The following PAXBP1 variants were observed in gnomAD, a reference collection of about 807,000 sequenced individuals.
PAXBP1 encodes the protein PAX3- and PAX7-binding protein 1.
In PAXBP1, 44 loss-of-function variants were observed where a neutral mutation model predicts 119.9. That is an observed-to-expected ratio of 0.37 (90% CI 0.29 to 0.47). The LOEUF is 0.47. Among genes scored for constraint, PAXBP1 ranks in the 20% least tolerant of loss-of-function variants. The pLI, the probability that PAXBP1 is intolerant of heterozygous loss-of-function variation, is 0.99. For missense variants in PAXBP1, 898 were observed against 1,134.1 expected (o/e 0.79, Z 2.99); for synonymous variants, 393 against 406.6 (o/e 0.97, Z 0.40).
At chr21:32,763,224 T>C (rs916012128) in intron 3 of PAXBP1, among the ~76,000 whole-genome samples, 1 of 152,154 alleles carries the variant, frequency 6.6e-6, no homozygotes, top group African/African-American at 2.4e-5. Flanking sequence ...AATTAATGCC[T>C]CCCTACTTGC....
chr21:32,759,673 T>A, intron 6 of PAXBP1, 104 bp downstream of exon 6: 1 of 954,048 alleles, frequency 1.0e-6, no homozygotes, highest in Non-Finnish European at 1.6e-6. Context: ...GCTGGGCCAG[T>A]GAATCTTCTT....
chr21:32,753,723 T>C (rs2043999467), intron 8 of PAXBP1, among the ~76,000 whole-genome samples: 1 of 152,262 alleles, frequency 6.6e-6, no homozygotes, highest in Non-Finnish European at 1.5e-5. Flanking sequence ...TAGGACTGTA[T>C]TTTTCACTTT....
intron 13 of PAXBP1, among the ~76,000 whole-genome samples, chr21:32,744,288 A>AG (rs1410386335): frequency 6.7e-6 from 1 of 149,020 alleles, no homozygotes; most frequent in Non-Finnish European, 1.5e-5. Flanking sequence ...AAAAAAAAAA[A>AG]GGAGGGGGGC....
At chr21:32,758,644 TAAAAAA>T (rs138934420) in intron 7 of PAXBP1, among the ~76,000 whole-genome samples, 3 of 104,104 alleles carry the variant, frequency 2.9e-5, no homozygotes, top group Non-Finnish European at 3.9e-5. Flanking sequence ...TCATCCAGGG[TAAAAAA>T]AAAAAAAAAA....
intron 11 of PAXBP1, among the ~76,000 whole-genome samples, chr21:32,747,912 G>A (rs1309725106): frequency 6.6e-6 from 1 of 150,862 alleles, no homozygotes; most frequent in South Asian, 2.1e-4. Flanking sequence ...AGCCCCCGAA[G>A]TAGCTAGGAA....
chr21:32,738,769 TCTCAAGCTACCCAAG>T (rs545119765), intron 15 of PAXBP1, among the ~76,000 whole-genome samples: 81 of 152,228 alleles, frequency 5.3e-4, no homozygotes, highest in African/African-American at 1.9e-3. Context: ...CACTTATGCA[TCTCAAGCTACCCAAG>T]CTCAATCAAT....
intron 7 of PAXBP1, among the ~76,000 whole-genome samples, chr21:32,757,646 A>G (rs887436303): frequency 1.3e-5 from 2 of 152,220 alleles, no homozygotes; most frequent in Non-Finnish European, 2.9e-5. Context: ...TTGTGTTTGC[A>G]ATTATGAATG....
intron 15 of PAXBP1, chr21:32,742,680 A>G (rs2043805033): frequency 1.0e-5 from 2 of 200,140 alleles, no homozygotes; most frequent in South Asian, 1.7e-4. Context: ...TCAGAAGAGT[A>G]TCTGCTACAG....
chr21:32,742,068 G>GA lies in PAXBP1; in HGVS notation c.2334+1179dup, dbSNP rs1227787107. ...CTTCTCTTCATAGGACATAGACTGG[G>GA]AGGTGGCCAGGGGCTTGTGGTGACC... On this transcript the variant is annotated intron_variant, in intron 15 of 17. Coordinates refer to ENST00000331923, the MANE Select transcript of PAXBP1 (RefSeq NM_016631.4). Among the ~76,000 whole-genome samples, 8 of 152,272 alleles carry GA rather than the reference G, an allele frequency of 5.3e-5. No individual in the cohort carries two copies. The East Asian group carries it at 1.5e-3, about 29-fold the overall frequency.
chr21:32,741,357 T>A, intron 15 of PAXBP1: 1 of 489,048 alleles, frequency 2.0e-6, no homozygotes, highest in Non-Finnish European at 3.7e-6. Flanking sequence ...AGAAAAGGCA[T>A]ATAAATTTAT....
chr21:32,734,958 C>T lies in PAXBP1; in HGVS notation c.2746G>A (p.Gly916Arg). 6.2e-7 allele frequency: 1 copy of T among 1,612,396 alleles called. No individual in the cohort carries two copies. The highest frequency in any genetic ancestry group is 1.1e-5 in the South Asian group (1 of 91,026). ...TTTTCAGTCTCATAGATCTATTTTC[C>T]TTCGATCAAAGACTTAAATTCTTTC... is the stretch of plus-strand genomic sequence containing the variant. The part of the protein sequence containing the change: ...NVKEFKSLIE[G>R]K Residue 916 changes from glycine to arginine, a missense_variant, in exon 18 of 18, where the codon GGA becomes AGA. By Grantham distance (125) the Gly-to-Arg change is moderately radical. Coordinates refer to ENST00000331923, the MANE Select transcript of PAXBP1 (RefSeq NM_016631.4).
Position 32,759,937 on chromosome 21 carries a change from T to C in PAXBP1, c.1033A>G (p.Met345Val). 2 of 1,614,172 alleles carry C rather than the reference T, an allele frequency of 1.2e-6. No homozygotes were observed. The highest frequency in any genetic ancestry group is 1.7e-6 in the Non-Finnish European group (2 of 1,179,972). The part of the protein sequence containing the change: ...NMYYQNTYQT[M>V]PYGSSYGIPY... The stretch of plus-strand genomic sequence containing the variant: ...ATGCCATAGGATGAGCCGTAAGGCA[T>C]TGTCTGGTAAGTGTTCTGGTAGTAC... The change falls in exon 6 of 18, where the codon ATG becomes GTG. Residue 345 changes from methionine to valine, a missense_variant. Coordinates refer to ENST00000331923, the MANE Select transcript of PAXBP1 (RefSeq NM_016631.4).
rs549339725 is a variant in PAXBP1, at chr21:32,737,458, A to G, written c.2482-50T>C. On this transcript the variant is annotated intron_variant, in intron 16 of 17. Coordinates refer to ENST00000331923, the MANE Select transcript of PAXBP1 (RefSeq NM_016631.4). ...AAAATAGTTAAGACAGAATAAATTA[A>G]AGTATTAAAAGCAAAGTCTAGTTAA... 8.7e-5 allele frequency: 130 copies of G among 1,492,380 alleles called. No homozygotes were observed. In the South Asian group the frequency reaches 1.5e-3, roughly 17 times the overall value. The allele number at this position is 1,492,380 out of a possible 1,614,324, so 92.4% of individuals were successfully genotyped here.
chr21:32,748,327 A>C (rs2043906132), intron 11 of PAXBP1, among the ~76,000 whole-genome samples, 172 bp downstream of exon 11: 1 of 152,248 alleles, frequency 6.6e-6, no homozygotes, highest in Admixed American at 6.5e-5. Context: ...GGAAGACATG[A>C]AACTTAAAAG....
At chr21:32,753,473 G>A (rs536956901) in intron 8 of PAXBP1, among the ~76,000 whole-genome samples, 2 of 150,704 alleles carry the variant, frequency 1.3e-5, no homozygotes, top group African/African-American at 4.9e-5. Flanking sequence ...ATCACTGCAT[G>A]TATAGGTTTT....
Position 32,738,174 on chromosome 21 carries a change from T to A in PAXBP1, c.2480A>T (p.Asn827Ile). 1.3e-6 allele frequency: 2 copies of A among 1,569,876 alleles called. No individual in the cohort carries two copies. Among genetic ancestry groups the A allele is most frequent in the Non-Finnish European group, 1.7e-6 (2 of 1,165,782 alleles). ...AACTGTACTATGCATTTAACTCACA[T>A]TTTGGGCTTTTTTGATGCTGTCATC... ...YGDDSIKKAQ[N>I]VINCFPKQWF... Residue 827 changes from asparagine to isoleucine, a missense_variant and splice_region_variant, in exon 16 of 18, where the codon AAT becomes ATT. Asn to Ile is a moderately radical substitution (Grantham distance 149, BLOSUM62 -3). Transcript: ENST00000331923.
In PAXBP1 at chr21:32,770,039, A is replaced by C. The variant is rs778569745; in HGVS notation, c.344-97T>G. 435 of 871,120 alleles carry C rather than the reference A, an allele frequency of 5.0e-4. 1 individual carries two copies. Among genetic ancestry groups the C allele is most frequent in the Non-Finnish European group, 6.8e-4 (404 of 595,898 alleles). The allele number at this position is 871,120 out of a possible 1,614,324, so 54.0% of individuals were successfully genotyped here. A position where few individuals can be genotyped will look rare whatever the true frequency, so the allele number is the denominator to read the frequency against. On this transcript the variant is annotated intron_variant, in intron 1 of 17. Coordinates refer to ENST00000331923, the MANE Select transcript of PAXBP1 (RefSeq NM_016631.4). Reference sequence around the variant, plus strand: ...TTACGTGCTGTCCAAATTATCCCAAATATATATACTCATATGCCAAAATCA... The same window carrying C: ...TTACGTGCTGTCCAAATTATCCCAACTATATATACTCATATGCCAAAATCA...
intron 14 of PAXBP1, 22 bp from the exon 15 acceptor site, chr21:32,743,336 A>T (rs2043817796): frequency 6.8e-7 from 1 of 1,471,446 alleles, no homozygotes; most frequent in African/African-American, 1.4e-5. Context: ...AAAGAGAAAC[A>T]TATCATGATC....
intron 10 of PAXBP1, 141 bp downstream of exon 10, chr21:32,750,776 G>T: frequency 3.3e-6 from 2 of 612,920 alleles, no homozygotes; most frequent in Non-Finnish European, 5.6e-6. Context: ...TAATAAAAAG[G>T]CATGCAAATT....
Sources: allele counts gnomAD v4.1 joint callset (sites outside exome capture counted in the v4.1 genomes callset), GRCh38; gene constraint gnomAD v4.1.1; transcripts MANE v1.5; gene names NCBI Gene and HGNC (gene_info 2026-07-23, HGNC 2026-07-21).